The following PPIG variants were observed in gnomAD, a reference collection of about 807,000 sequenced individuals.
PPIG encodes the protein peptidyl-prolyl cis-trans isomerase G.
A neutral mutation model predicts 87.9 loss-of-function variants in PPIG; 26 were observed. The observed-to-expected ratio is 0.30, with a 90% CI of 0.22 to 0.41. PPIG has a LOEUF of 0.41. Among genes scored for constraint, PPIG ranks in the 10% least tolerant of loss-of-function variants. The pLI is 1.00. For missense variants in PPIG, 722 were observed against 879.4 expected (o/e 0.82, Z 2.26); for synonymous variants, 308 against 276.5 (o/e 1.11, Z -1.13).
At position 169,614,469 on chromosome 2, in the gene PPIG, C is replaced by T. The variant is rs375348808; in HGVS notation, c.383C>T (p.Thr128Met). ...DTNGSQFFITTKPTPHLDGHH... is the reference protein window; with the variant it reads ...DTNGSQFFITMKPTPHLDGHH... ...TATCTGATGATTTCCAAAAGAACAA[C>T]GAAACCAACTCCTCATTTAGATGGG... The change falls in exon 8 of 14, where the codon ACG (threonine) becomes ATG (methionine). Residue 128 changes from threonine (T) to methionine (M), a missense_variant. Coordinates refer to ENST00000260970, the MANE Select transcript of PPIG (RefSeq NM_004792.3). 10 of 1,560,798 alleles carry T rather than the reference C, an allele frequency of 6.4e-6. No homozygotes were observed. The highest frequency in any genetic ancestry group is 2.4e-5 in the South Asian group (2 of 83,824).
chr2:169,612,643 A>G (rs1685521789), intron 7 of PPIG, among the ~76,000 whole-genome samples: 1 of 152,070 alleles, frequency 6.6e-6, no homozygotes, highest in Non-Finnish European at 1.5e-5. Context: ...TGGCCTCCCA[A>G]ACTGCTGGGA....
intron 9 of PPIG, among the ~76,000 whole-genome samples, chr2:169,621,776 G>A (rs1060837): frequency 0.6 from 89,691 of 150,252 alleles, 27,355 homozygotes; most frequent in African/African-American, 0.73. Context: ...GGACACTTGT[G>A]TTAGGATCTG....
At chr2:169,600,327 A>C (rs891214013) in intron 1 of PPIG, among the ~76,000 whole-genome samples, 1 of 152,078 alleles carries the variant, frequency 6.6e-6, no homozygotes, top group Admixed American at 6.6e-5. Flanking sequence ...TGCCTGCTTC[A>C]GCCCCCCAAA....
rs773635763 is a variant in PPIG at position 169,631,762 on chromosome 2, T to C, written c.762-4T>C. ...ACTTGTTTTGTGTGTTTCTGTCTGTTAAGTGCATCTAGTGAGAGTGAAGCT... is the reference window on the plus strand; with the variant it reads ...ACTTGTTTTGTGTGTTTCTGTCTGTCAAGTGCATCTAGTGAGAGTGAAGCT... On this transcript the variant is annotated splice_polypyrimidine_tract_variant and splice_region_variant and intron_variant, in intron 10 of 13. Transcript: ENST00000260970. 1.2e-6 allele frequency: 2 copies of C among 1,613,686 alleles called. No homozygotes were observed. Among genetic ancestry groups the C allele is most frequent in the Non-Finnish European group, 1.7e-6 (2 of 1,179,848 alleles).
intron 7 of PPIG, among the ~76,000 whole-genome samples, chr2:169,612,793 T>TACTG (rs1314314980): frequency 6.6e-6 from 1 of 152,240 alleles, no homozygotes; most frequent in Non-Finnish European, 1.5e-5. Context: ...CTATTGTGAA[T>TACTG]ACTGCTGCAG....
chr2:169,616,944 T>C (rs1685622627), intron 9 of PPIG, among the ~76,000 whole-genome samples: 1 of 152,192 alleles, frequency 6.6e-6, no homozygotes, highest in Non-Finnish European at 1.5e-5. Context: ...CTGAATGGTA[T>C]TGCCTAGGTT....
chr2:169,634,744 C>G (rs1431874709), intron 12 of PPIG, among the ~76,000 whole-genome samples: 1 of 139,172 alleles, frequency 7.2e-6, no homozygotes, highest in Non-Finnish European at 1.6e-5. Context: ...TCATTTCTGC[C>G]TCCTAAATAT....
intron 4 of PPIG, among the ~76,000 whole-genome samples, chr2:169,605,688 A>G (rs1296762068): frequency 6.6e-6 from 1 of 151,748 alleles, no homozygotes; most frequent in Non-Finnish European, 1.5e-5. Flanking sequence ...AATCCCAGCC[A>G]CTCAGGAGGC....
chr2:169,605,547 T>C lies in PPIG; in HGVS notation c.137-492T>C, dbSNP rs555973379. 2.0e-5 allele frequency among the ~76,000 whole-genome samples: 3 copies of C among 151,718 alleles called. No individual in the cohort carries two copies. In the East Asian group the frequency reaches 5.9e-4, roughly 30 times the overall value. On this transcript the variant is annotated intron_variant, in intron 4 of 13. Transcript: ENST00000260970. The stretch of plus-strand genomic sequence containing the variant: ...CAAGTGTGGTGGCCCATGCCTGTAA[T>C]CCCAGCAGTTTGGGAGGCCGAGGTG...
At chr2:169,608,625 TGGAGG>T (rs1450193843) in intron 6 of PPIG, 41 bp from the exon 7 acceptor site, 4 of 1,297,448 alleles carry the variant, frequency 3.1e-6, no homozygotes, top group Admixed American at 3.6e-5. Flanking sequence ...GAAATTTTTT[TGGAGG>T]TTATATCTAT....
At position 169,639,441 on chromosome 2, in the gene PPIG, TA is replaced by T. The variant is rs1686262593; in HGVS notation, c.*1923del. ...ATATTTTTTTTAAGTCCATGCTAAG[TA>T]AAAATTCTTACATGTTGTCTGATCC... On this transcript the variant is annotated 3_prime_UTR_variant, in exon 14 of 14. Transcript: ENST00000260970. 1.3e-5 allele frequency: 2 copies of T among 152,146 alleles called. No individual in the cohort carries two copies. The highest frequency in any genetic ancestry group is 6.5e-5 in the Admixed American group (1 of 15,272). The allele number at this position is 152,146 out of a possible 1,614,324, so 9.4% of individuals were successfully genotyped here.
chr2:169,634,908 G>T (rs963282386), intron 12 of PPIG, among the ~76,000 whole-genome samples: 5 of 152,052 alleles, frequency 3.3e-5, no homozygotes, highest in African/African-American at 1.2e-4. Context: ...AACTTCTGTT[G>T]GTGTGGGTTA....
At chr2:169,615,001 G>A (rs1416526903) in intron 9 of PPIG, among the ~76,000 whole-genome samples, 1 of 151,646 alleles carries the variant, frequency 6.6e-6, no homozygotes, top group African/African-American at 2.4e-5. Flanking sequence ...CCCTTTTTGT[G>A]GTGAGAAGAA....
chr2:169,614,520 A>G (rs985005392), intron 8 of PPIG, 27 bp downstream of exon 8: 25 of 1,557,230 alleles, frequency 1.6e-5, no homozygotes, highest in Non-Finnish European at 2.1e-5. Context: ...TTATTTTACA[A>G]CCTGTTTTAA....
At chr2:169,589,297 A>G (rs1684795628) in intron 1 of PPIG, among the ~76,000 whole-genome samples, 2 of 152,210 alleles carry the variant, frequency 1.3e-5, no homozygotes, top group African/African-American at 4.8e-5. Context: ...ACTACATGAA[A>G]TAGCATAATT....
intron 9 of PPIG, among the ~76,000 whole-genome samples, chr2:169,619,014 T>G (rs1685674797): frequency 6.6e-6 from 1 of 152,192 alleles, no homozygotes; most frequent in South Asian, 2.1e-4. Context: ...TTGTGGGCAT[T>G]TAGTGCTATA....
At chr2:169,614,424 T>C in intron 7 of PPIG, 40 bp from the exon 8 acceptor site, 1 of 1,499,450 alleles carries the variant, frequency 6.7e-7, no homozygotes, top group South Asian at 1.2e-5. Context: ...TGTTTTTCTC[T>C]GACTTTGTTT....
At chr2:169,623,684 T>C (rs1303782654) in intron 9 of PPIG, among the ~76,000 whole-genome samples, 1 of 152,224 alleles carries the variant, frequency 6.6e-6, no homozygotes, top group Non-Finnish European at 1.5e-5. Flanking sequence ...GTCCTTATTC[T>C]GAAAGTAATT....
chr2:169,636,800 T>C lies in PPIG; in HGVS notation c.1542T>C (p.Ser514=), dbSNP rs1222570099. 4 of 1,608,270 alleles carry C rather than the reference T, an allele frequency of 2.5e-6. No homozygotes were observed. The highest frequency in any genetic ancestry group is 1.1e-5 in the South Asian group (1 of 90,604). ...CTAAAGGAAAAGATCAGGAAAGGAG[T>C]AGAAGTAAAGAGAAGTCTAAACAGT... The part of the protein sequence containing the change: ...SDSKGKDQER[S]RSKEKSKQLE... Residue 514 remains serine, a synonymous_variant, in exon 14 of 14, where the codon AGT becomes AGC. Transcript: ENST00000260970.
Sources: gnomAD v4.1 joint callset for allele counts (sites outside exome capture counted in the v4.1 genomes callset) on GRCh38, gnomAD v4.1.1 for gene constraint, MANE v1.5 for transcripts, NCBI Gene and HGNC (gene_info 2026-07-23, HGNC 2026-07-21) for gene names.